STX16: variants seen among roughly 807,000 people sequenced by gnomAD.
STX16 encodes syntaxin-16.
STX16 carries 28 observed loss-of-function variants against 42.7 expected under a neutral mutation model. The observed-to-expected ratio is 0.66, with a 90% CI of 0.49 to 0.90. The LOEUF is 0.90. Among genes scored for constraint, STX16 ranks in the 40% least tolerant of loss-of-function variants. The pLI is 0.00. For synonymous variants in STX16, 156 were observed against 155.2 expected, an observed-to-expected ratio of 1.00 and a Z score of -0.04; for missense variants, 361 against 420.9, an observed-to-expected ratio of 0.86 and a Z score of 1.24.
At chr20:58,666,022 T>C (rs1213129469) in intron 2 of STX16, among the ~76,000 whole-genome samples, 1 of 152,234 alleles carries the variant, frequency 6.6e-6, no homozygotes, top group African/African-American at 2.4e-5. Flanking sequence ...AAGTGGTCTT[T>C]TATTCTAAGT....
In STX16 at chr20:58,667,665, T is replaced by C. The variant is rs2083869175; in HGVS notation, c.252+68T>C. ...AATTATGACAATGTATTTTAAGATA[T>C]CTGTCATATAAACGAATTTGGCTAC... is the stretch of plus-strand genomic sequence containing the variant. On this transcript the variant is annotated intron_variant, in intron 3 of 8. Coordinates refer to ENST00000371141, the MANE Select transcript of STX16 (RefSeq NM_001001433.3). The C allele has an allele frequency of 6.4e-6, 9 of 1,398,674 alleles. No homozygotes were observed. The East Asian group carries it at 6.9e-5, about 11-fold the overall frequency. 86.6% of individuals were successfully genotyped at this position (1,398,674 alleles called of 1,614,324 possible). A position where few individuals can be genotyped will look rare whatever the true frequency, so the allele number is the denominator to read the frequency against.
chr20:58,674,115 T>TA (rs1568830448), intron 8 of STX16, among the ~76,000 whole-genome samples: 1 of 152,238 alleles, frequency 6.6e-6, no homozygotes, highest in Non-Finnish European at 1.5e-5. Flanking sequence ...TCTCTTGTGA[T>TA]ACATTCCTGA....
intron 2 of STX16, among the ~76,000 whole-genome samples, chr20:58,665,294 C>A (rs1241688703): frequency 2.6e-5 from 4 of 152,182 alleles, no homozygotes; most frequent in Non-Finnish European, 5.9e-5. Flanking sequence ...GCGGCCTGTC[C>A]TATAGTGCCT....
At chr20:58,652,371 A>ACCCCCCCCCCCCCCCC (rs11481928) in intron 1 of STX16, 23 of 462,002 alleles carry the variant, frequency 5.0e-5, no homozygotes, top group African/African-American at 2.6e-4. Context: ...CTTCCGCAGC[A>ACCCCCCCCCCCCCCCC]CCCCCCCCCC....
chr20:58,664,399 C>T (rs2083768510), intron 2 of STX16, among the ~76,000 whole-genome samples: 1 of 152,176 alleles, frequency 6.6e-6, no homozygotes, highest in Admixed American at 6.5e-5. Context: ...TAGCTATAGA[C>T]TGTATCATAA....
intron 8 of STX16, 118 bp downstream of exon 8, chr20:58,673,829 A>T: frequency 1.4e-6 from 1 of 698,396 alleles, no homozygotes; most frequent in Non-Finnish European, 2.4e-6. Flanking sequence ...TCCACTCTCA[A>T]TACAGTAGTG....
At chr20:58,668,165 C>G in intron 4 of STX16, 38 bp downstream of exon 4, 1 of 1,610,490 alleles carries the variant, frequency 6.2e-7, no homozygotes, top group Non-Finnish European at 8.5e-7. Flanking sequence ...AACCAGCGAG[C>G]CTTCTCATGG....
Position 58,651,769 on chromosome 20 carries a change from T to G in STX16, c.-238T>G. 2.1e-6 allele frequency: 1 copy of G among 469,496 alleles called. No homozygotes were observed. Among genetic ancestry groups the G allele is most frequent in the Non-Finnish European group, 3.9e-6 (1 of 257,098 alleles). The allele number at this position is 469,496 out of a possible 1,614,324, so 29.1% of individuals were successfully genotyped here. A position where few individuals can be genotyped will look rare whatever the true frequency, so the allele number is the denominator to read the frequency against. ...TTGGGGGGATTCAAGTGCTTAGAGA[T>G]CGAAGTCTGCCCTGGGTAGGGGGAG... On this transcript the variant is annotated 5_prime_UTR_variant, in exon 1 of 9. Coordinates refer to ENST00000371141, the MANE Select transcript of STX16 (RefSeq NM_001001433.3).
At chr20:58,673,601 G>T in intron 7 of STX16, 30 bp from the exon 8 acceptor site, 1 of 1,485,788 alleles carries the variant, frequency 6.7e-7, no homozygotes, top group South Asian at 1.1e-5. Context: ...TGCTATTGTT[G>T]ATTGTCTGTA....
At position 58,679,301 on chromosome 20, in the gene STX16, T is replaced by C. The variant is rs1246546635; in HGVS notation, c.*3010T>C. 2 of 152,680 alleles carry C rather than the reference T, an allele frequency of 1.3e-5. No individual in the cohort carries two copies. The highest frequency in any genetic ancestry group is 3.8e-4 in the East Asian group (2 of 5,204). 9.5% of individuals were successfully genotyped at this position (152,680 alleles called of 1,614,324 possible). ...TTTGACACAAGTGCTTTCAGTGTTT[T>C]ATCCTAGCTAATGGCTTCTTAAAGG... On this transcript the variant is annotated 3_prime_UTR_variant, in exon 9 of 9. Transcript: ENST00000371141.
In STX16 at chr20:58,652,046, C is replaced by G. The variant is rs1377590404; in HGVS notation, c.40C>G (p.Arg14Gly). 5 of 1,614,120 alleles carry G rather than the reference C, an allele frequency of 3.1e-6. No individual in the cohort carries two copies. Among genetic ancestry groups the G allele is most frequent in the Non-Finnish European group, 4.2e-6 (5 of 1,180,012 alleles). Residue 14 changes from arginine (R) to glycine (G), a missense_variant, in exon 1 of 9, where the codon CGG becomes GGG. Arg to Gly is a moderately radical substitution (Grantham distance 125, BLOSUM62 -2). Transcript: ENST00000371141. ...RRLTDAFLLL[R>G]NNSIQNRQLL... ...TTTAACCGACGCTTTCTTGTTGTTG[C>G]GGAATAATTCCATCCAAAACCGGCA... is the stretch of plus-strand genomic sequence containing the variant.
rs1019520342 is a variant in STX16 at position 58,679,157 on chromosome 20, C to T, written c.*2866C>T. On this transcript the variant is annotated 3_prime_UTR_variant, in exon 9 of 9. Coordinates refer to ENST00000371141, the MANE Select transcript of STX16 (RefSeq NM_001001433.3). ...GAAAACTGCTGTCTCTTGTTTTGTT[C>T]GTTTTGGGGGTGGTGGTGCTGGCTG... 7 of 152,248 alleles carry T rather than the reference C, an allele frequency of 4.6e-5. No homozygotes were observed. Among genetic ancestry groups the T allele is most frequent in the Non-Finnish European group, 1.0e-4 (7 of 68,046 alleles). 9.4% of individuals were successfully genotyped at this position (152,248 alleles called of 1,614,324 possible). A position where few individuals can be genotyped will look rare whatever the true frequency, so the allele number is the denominator to read the frequency against.
intron 7 of STX16, 45 bp from the exon 8 acceptor site, chr20:58,673,586 C>T (rs2084033763): frequency 7.6e-7 from 1 of 1,321,772 alleles, no homozygotes. Flanking sequence ...TTCAGTTTTC[C>T]CAGTTGCTAT....
Position 58,671,245 on chromosome 20 carries a change from T to C in STX16, c.740T>C (p.Ile247Thr). 1.2e-6 allele frequency: 2 copies of C among 1,613,770 alleles called. No homozygotes were observed. The highest frequency in any genetic ancestry group is 1.7e-6 in the Non-Finnish European group (2 of 1,179,908). The part of the protein sequence containing the change: ...EREIRQIVQS[I>T]SDLNEIFRDL... ...GAGATTCGCCAGATTGTACAGTCCA[T>C]TTCTGACCTGAATGAAATATTCAGG... Residue 247 changes from isoleucine (I) to threonine (T), a missense_variant, in exon 7 of 9, where the codon ATT (isoleucine) becomes ACT (threonine). Coordinates refer to ENST00000371141, the MANE Select transcript of STX16 (RefSeq NM_001001433.3).
chr20:58,673,627 C>G lies in STX16; in HGVS notation c.793-4C>G. 3 of 1,604,662 alleles carry G rather than the reference C, an allele frequency of 1.9e-6. No homozygotes were observed. Among genetic ancestry groups the G allele is most frequent in the Non-Finnish European group, 2.6e-6 (3 of 1,172,272 alleles). The stretch of plus-strand genomic sequence containing the variant: ...ATTGTCTGTAACTGTCATTTATTAC[C>G]TAGGGTACAGTCCTTGACAGAATTG... On this transcript the variant is annotated splice_polypyrimidine_tract_variant and splice_region_variant and intron_variant, in intron 7 of 8. Coordinates refer to ENST00000371141, the MANE Select transcript of STX16 (RefSeq NM_001001433.3).
Position 58,651,685 on chromosome 20 carries a change from T to C in STX16, c.-322T>C, listed in dbSNP as rs2083458261. The C allele has an allele frequency of 3.6e-6, 1 of 275,686 alleles. No individual in the cohort carries two copies. Among genetic ancestry groups the C allele is most frequent in the Non-Finnish European group, 7.1e-6 (1 of 140,600 alleles). The allele number at this position is 275,686 out of a possible 1,614,324, so 17.1% of individuals were successfully genotyped here. A position where few individuals can be genotyped will look rare whatever the true frequency, so the allele number is the denominator to read the frequency against. On this transcript the variant is annotated 5_prime_UTR_variant, in exon 1 of 9. Transcript: ENST00000371141. ...GAGCCGGATTGGCGAGTTAGACGCT[T>C]GTAGATCCAAGGTTGGATTGGGGTG... is the stretch of plus-strand genomic sequence containing the variant.
In STX16 at chr20:58,671,241, T is replaced by G; in HGVS notation, c.736T>G (p.Ser246Ala). Residue 246 changes from serine to alanine, a missense_variant, in exon 7 of 9, where the codon TCC becomes GCC. Ser to Ala is a moderately conservative substitution (Grantham distance 99). Coordinates refer to ENST00000371141, the MANE Select transcript of STX16 (RefSeq NM_001001433.3). ...ACGAGAGATTCGCCAGATTGTACAG[T>G]CCATTTCTGACCTGAATGAAATATT... ...REREIRQIVQ[S>A]ISDLNEIFRD... The G allele has an allele frequency of 6.2e-7, 1 of 1,613,976 alleles. No homozygotes were observed. Among genetic ancestry groups the G allele is most frequent in the Non-Finnish European group, 8.5e-7 (1 of 1,179,966 alleles).
At chr20:58,652,476 C>A (rs1232538160) in intron 1 of STX16, among the ~76,000 whole-genome samples, 1 of 148,536 alleles carries the variant, frequency 6.7e-6, no homozygotes, top group Non-Finnish European at 1.5e-5. Context: ...CTTTCTGAAG[C>A]CTTTTTGTTT....
intron 8 of STX16, among the ~76,000 whole-genome samples, chr20:58,675,491 G>A (rs1252283393): frequency 6.6e-6 from 1 of 152,178 alleles, no homozygotes; most frequent in Non-Finnish European, 1.5e-5. Flanking sequence ...TGGAGTTCCC[G>A]CTCCTGCCGA....
Sources: allele counts gnomAD v4.1 joint callset (sites outside exome capture counted in the v4.1 genomes callset), GRCh38; gene constraint gnomAD v4.1.1; transcripts MANE v1.5; gene names NCBI Gene and HGNC (gene_info 2026-07-23, HGNC 2026-07-21).